The following CADPS2 variants were observed in gnomAD, a reference collection of about 807,000 sequenced individuals.
CADPS2 encodes calcium dependent secretion activator 2, also known as calcium-dependent secretion activator 2.
Under a neutral mutation model 172.5 loss-of-function variants are expected in CADPS2, and 93 were observed. The observed-to-expected ratio is 0.54, with a 90% confidence interval of 0.46 to 0.64. The LOEUF (loss-of-function observed/expected upper bound fraction) is 0.64. Among genes scored for constraint, CADPS2 ranks in the 30% least tolerant of loss-of-function variants. The pLI, the probability that CADPS2 is intolerant of heterozygous loss-of-function variation, is 0.00. For missense variants in CADPS2, 1,420 were observed against 1,565.9 expected (o/e 0.91, Z 1.57); for synonymous variants, 546 against 555.2 (o/e 0.98, Z 0.23).
Position 122,647,035 on chromosome 7 carries a change from T to C in CADPS2, c.786+16202A>G, listed in dbSNP as rs560396499. On this transcript the variant is annotated intron_variant, in intron 3 of 29. Coordinates refer to ENST00000449022, the MANE Select transcript of CADPS2 (RefSeq NM_017954.11). ...ATGACATTAATAGAAGAACTAGGTATTGGATGAAAAAGAAAGTGACATTTA... is the reference window on the plus strand; with the variant it reads ...ATGACATTAATAGAAGAACTAGGTACTGGATGAAAAAGAAAGTGACATTTA... Among the ~76,000 whole-genome samples the C allele has an allele frequency of 1.7e-3, 262 of 152,260 alleles. 1 individual carries two copies. The highest frequency in any genetic ancestry group is 3.0e-3 in the Non-Finnish European group (201 of 68,004).
At chr7:122,604,611 A>G (rs893386462) in intron 6 of CADPS2, among the ~76,000 whole-genome samples, 3 of 152,168 alleles carry the variant, frequency 2.0e-5, no homozygotes, top group Non-Finnish European at 4.4e-5. Flanking sequence ...TTCAGGCTCA[A>G]ATAAATGGTA....
At chr7:122,629,483 A>G (rs983872802) in intron 3 of CADPS2, among the ~76,000 whole-genome samples, 155 bp from the exon 4 acceptor site, 2 of 152,146 alleles carry the variant, frequency 1.3e-5, no homozygotes, top group African/African-American at 2.4e-5. Flanking sequence ...AGAATACAGG[A>G]GGTTGTTCAA....
intron 18 of CADPS2, among the ~76,000 whole-genome samples, chr7:122,415,486 T>C (rs2047780082): frequency 6.6e-6 from 1 of 151,854 alleles, no homozygotes; most frequent in Non-Finnish European, 1.5e-5. Context: ...GTTAACTAAC[T>C]GCCCTCAATG....
rs980380943 is a variant in CADPS2 at position 122,477,738 on chromosome 7, A to G, written c.1861+3114T>C. On this transcript the variant is annotated intron_variant, in intron 12 of 29. Transcript: ENST00000449022. ...TACATATAGACAGTAAAATGGTTAC[A>G]ATACAGATGCAAATTAGCAAATCTG... 2.0e-5 allele frequency among the ~76,000 whole-genome samples: 3 copies of G among 152,200 alleles called. No homozygotes were observed. In the East Asian group the frequency reaches 5.8e-4, roughly 29 times the overall value.
chr7:122,347,608 GCTAT>G (rs765599384), intron 27 of CADPS2, among the ~76,000 whole-genome samples: 2 of 152,142 alleles, frequency 1.3e-5, no homozygotes, highest in East Asian at 3.9e-4. Context: ...CACAATGTTG[GCTAT>G]CTATTTTCAA....
chr7:122,327,635 C>A (rs2034133678), intron 28 of CADPS2, among the ~76,000 whole-genome samples: 1 of 151,856 alleles, frequency 6.6e-6, no homozygotes, highest in South Asian at 2.1e-4. Flanking sequence ...AAATTAACTT[C>A]ATTTTTCCAT....
chr7:122,767,611 A>AC, intron 1 of CADPS2, among the ~76,000 whole-genome samples: 1 of 152,182 alleles, frequency 6.6e-6, no homozygotes, highest in East Asian at 1.9e-4. Flanking sequence ...CTCAGCTGGC[A>AC]CACCCTTTGT....
intron 17 of CADPS2, among the ~76,000 whole-genome samples, chr7:122,434,446 A>C (rs2151918301): frequency 6.6e-6 from 1 of 152,288 alleles, no homozygotes; most frequent in Middle Eastern, 3.4e-3. Context: ...AAAATGAGAA[A>C]ACTAGGATTA....
chr7:122,551,722 TA>T (rs1201722273), intron 8 of CADPS2, among the ~76,000 whole-genome samples: 1 of 152,128 alleles, frequency 6.6e-6, no homozygotes, highest in Non-Finnish European at 1.5e-5. Context: ...TTAATATTTT[TA>T]AAACTTGACT....
At chr7:122,424,260 A>G (rs2048876741) in intron 17 of CADPS2, 1 of 836,218 alleles carries the variant, frequency 1.2e-6, no homozygotes, top group East Asian at 1.2e-4. Flanking sequence ...TCCCGGAATT[A>G]ACCATGCTAA....
chr7:122,513,504 A>C (rs2060145972), intron 8 of CADPS2, among the ~76,000 whole-genome samples, 189 bp from the exon 9 acceptor site: 1 of 152,200 alleles, frequency 6.6e-6, no homozygotes, highest in Non-Finnish European at 1.5e-5. Flanking sequence ...TGGGTTCTCG[A>C]AAGGGAATTG....
At chr7:122,572,379 C>T (rs1171978241) in intron 7 of CADPS2, among the ~76,000 whole-genome samples, 1 of 152,074 alleles carries the variant, frequency 6.6e-6, no homozygotes. Flanking sequence ...TTTCCCCATC[C>T]CCATGGAAGC....
intron 3 of CADPS2, among the ~76,000 whole-genome samples, chr7:122,647,896 T>C (rs2471191): frequency 0.54 from 81,370 of 152,014 alleles, 22,002 homozygotes; most frequent in East Asian, 0.72. Flanking sequence ...AGGAATTTAT[T>C]GAATATATAA....
intron 17 of CADPS2, among the ~76,000 whole-genome samples, chr7:122,417,587 T>C (rs2048076174): frequency 6.6e-6 from 1 of 152,114 alleles, no homozygotes. Context: ...CATTTCAACA[T>C]CCTCAAAGAA....
intron 9 of CADPS2, among the ~76,000 whole-genome samples, chr7:122,502,274 T>C (rs2059267421): frequency 6.6e-6 from 1 of 152,192 alleles, no homozygotes; most frequent in African/African-American, 2.4e-5. Flanking sequence ...ATTTTTCTCT[T>C]AAATTTCACT....
chr7:122,346,277 A>T (rs560071786), intron 27 of CADPS2, among the ~76,000 whole-genome samples: 143 of 152,310 alleles, frequency 9.4e-4, no homozygotes, highest in African/African-American at 3.2e-3. Flanking sequence ...GTGAGGCAGG[A>T]GAATTGCTTG....
intron 6 of CADPS2, among the ~76,000 whole-genome samples, chr7:122,590,214 T>G (rs2070552139): frequency 6.6e-6 from 1 of 151,864 alleles, no homozygotes; most frequent in South Asian, 2.1e-4. Flanking sequence ...ATGTCCCGAT[T>G]TCAAAACCTA....
At chr7:122,654,110 T>C (rs1019162597) in intron 3 of CADPS2, among the ~76,000 whole-genome samples, 22 of 152,028 alleles carry the variant, frequency 1.4e-4, no homozygotes, top group Admixed American at 7.2e-4. Context: ...TTGAAGGCTA[T>C]GAGAAAGGTA....
At chr7:122,553,015 A>C (rs1470089442) in intron 8 of CADPS2, among the ~76,000 whole-genome samples, 1 of 152,054 alleles carries the variant, frequency 6.6e-6, no homozygotes, top group Non-Finnish European at 1.5e-5. Context: ...GCCTTTGTAC[A>C]TGCTGTCATG....
Sources: allele counts gnomAD v4.1 joint callset (sites outside exome capture counted in the v4.1 genomes callset), GRCh38; gene constraint gnomAD v4.1.1; transcripts MANE v1.5; gene names NCBI Gene and HGNC (gene_info 2026-07-23, HGNC 2026-07-21).